CENPF: variants seen among roughly 807,000 people sequenced by gnomAD.
CENPF encodes the protein centromere protein F.
In CENPF, 214 loss-of-function variants were observed where a neutral mutation model predicts 307.3. The observed-to-expected ratio is 0.70, with a 90% CI of 0.62 to 0.78. The LOEUF (loss-of-function observed/expected upper bound fraction) is 0.78. Among genes scored for constraint, CENPF ranks in the 30% least tolerant of loss-of-function variants. CENPF has a pLI of 0.00. For synonymous variants in CENPF, 1,259 were observed against 1,270.6 expected (o/e 0.99, Z 0.19); for missense variants, 3,401 against 3,483.9 (o/e 0.98, Z 0.60).
intron 7 of CENPF, 110 bp downstream of exon 7, chr1:214,622,391 A>G (rs2102540147): frequency 1.1e-6 from 1 of 943,406 alleles, no homozygotes; most frequent in East Asian, 2.6e-5. Context: ...TTCTTTGTTA[A>G]TATATATTAG....
Position 214,659,858 on chromosome 1 carries a change from T to C in CENPF, c.9141+830T>C, listed in dbSNP as rs1658746530. ...CAGACTGGGGACTAGGGGGATATTT[T>C]TGGAAGTTGCTGGAATAGCTTCAAA... On this transcript the variant is annotated intron_variant, in intron 19 of 19. Transcript: ENST00000366955. The surrounding 1 kb of genome is among the most constrained non-coding windows in gnomAD (Gnocchi z 4.4). Among the ~76,000 whole-genome samples the C allele has an allele frequency of 1.3e-5, 2 of 152,184 alleles. No homozygotes were observed.
chr1:214,612,040 G>A (rs1247405796), intron 1 of CENPF, among the ~76,000 whole-genome samples: 1 of 152,066 alleles, frequency 6.6e-6, no homozygotes, highest in Non-Finnish European at 1.5e-5. Flanking sequence ...AGTGGAAGAG[G>A]GCCTCCTTGC....
chr1:214,605,739 A>G (rs1571689007), intron 1 of CENPF: 2 of 1,590,918 alleles, frequency 1.3e-6, no homozygotes, highest in African/African-American at 2.7e-5. Context: ...TACTGGCTGT[A>G]GAGCTCGATG....
At chr1:214,662,655 T>C (rs141129097) in intron 19 of CENPF, among the ~76,000 whole-genome samples, 1,658 of 152,348 alleles carry the variant, frequency 0.011, 14 homozygotes, top group Non-Finnish European at 0.015. Context: ...CCTTTCTCTT[T>C]GAAAGATCTT....
At chr1:214,627,481 C>T (rs745907784) in intron 7 of CENPF, among the ~76,000 whole-genome samples, 35 of 143,510 alleles carry the variant, frequency 2.4e-4, no homozygotes, top group Non-Finnish European at 4.3e-4. Context: ...TCAAGTGATT[C>T]TCCTGTCTCA....
At position 214,663,950 on chromosome 1, in the gene CENPF, T is replaced by G. The variant is rs554940224; in HGVS notation, c.*156T>G. On this transcript the variant is annotated 3_prime_UTR_variant, in exon 20 of 20. Coordinates refer to ENST00000366955, the MANE Select transcript of CENPF (RefSeq NM_016343.4). ...TATATTGTACTCTTTAGATCTCCCA[T>G]GTGTAGGTATTGAAAAAGTTTGGAA... is the stretch of plus-strand genomic sequence containing the variant. The G allele has an allele frequency of 6.4e-5, 40 of 627,710 alleles. No homozygotes were observed. In the East Asian group the frequency reaches 1.1e-3, roughly 17 times the overall value. 38.9% of individuals were successfully genotyped at this position (627,710 alleles called of 1,614,324 possible).
chr1:214,623,008 T>TCAAGAC lies in CENPF; in HGVS notation c.1068+730_1068+735dup, dbSNP rs1399722716. Among the ~76,000 whole-genome samples the TCAAGAC allele has an allele frequency of 5.3e-5, 8 of 152,096 alleles. No homozygotes were observed. The East Asian group carries it at 7.7e-4, about 15-fold the overall frequency. Reference sequence around the variant, plus strand: ...ACGCGGATCACTTGAGGCTAGGAGATCAAGACCAGCTAGCCCACATGACAA... The same window carrying TCAAGAC: ...ACGCGGATCACTTGAGGCTAGGAGATCAAGACCAAGACCAGCTAGCCCACATGACAA... On this transcript the variant is annotated intron_variant, in intron 7 of 19. Transcript: ENST00000366955.
At position 214,645,335 on chromosome 1, in the gene CENPF, A is replaced by G. The variant is rs200650945; in HGVS notation, c.5765A>G (p.Glu1922Gly). ...ASIEHEALYL[E>G]ADLEVVQTEK... The stretch of plus-strand genomic sequence containing the variant: ...ATTGAGCATGAAGCCCTCTACCTGG[A>G]GGCTGACTTAGAGGTAGTTCAAACA... The change falls in exon 13 of 20, where the codon GAG becomes GGG. Residue 1922 changes from glutamate (E) to glycine (G), a missense_variant. Transcript: ENST00000366955. 124 of 1,614,052 alleles carry G rather than the reference A, an allele frequency of 7.7e-5. No individual in the cohort carries two copies. Among genetic ancestry groups the G allele is most frequent in the Non-Finnish European group, 9.7e-5 (115 of 1,180,026 alleles).
In CENPF at chr1:214,620,736, T is replaced by C. The variant is rs941155980; in HGVS notation, c.655T>C (p.Trp219Arg). 2.5e-6 allele frequency: 4 copies of C among 1,614,080 alleles called. No homozygotes were observed. The highest frequency in any genetic ancestry group is 1.3e-5 in the African/African-American group (1 of 74,940). The change falls in exon 6 of 20, where the codon TGG (tryptophan) becomes CGG (arginine). Residue 219 changes from tryptophan to arginine, a missense_variant. Transcript: ENST00000366955. The stretch of plus-strand genomic sequence containing the variant: ...TCAGGCTTCATCATCTGTGTTCTCA[T>C]GGCAGCAAGAGAAGACCCCAAGTCA... Reference protein sequence around the residue: ...RHQASSSVFSWQQEKTPSHLS... With the variant: ...RHQASSSVFSRQQEKTPSHLS...
chr1:214,620,990 TA>T, intron 6 of CENPF, 44 bp downstream of exon 6: 1 of 1,530,824 alleles, frequency 6.5e-7, no homozygotes, highest in South Asian at 1.3e-5. Context: ...TTGCTTGAGG[TA>T]ATTTCACAGG....
intron 17 of CENPF, 111 bp from the exon 18 acceptor site, chr1:214,656,822 T>TAA (rs11307420): frequency 4.4e-5 from 30 of 675,324 alleles, no homozygotes; most frequent in African/African-American, 3.8e-4. Context: ...CCCAACCTCT[T>TAA]AAAAAAAAAA....
intron 3 of CENPF, among the ~76,000 whole-genome samples, chr1:214,617,634 T>C (rs1477951924): frequency 3.3e-5 from 5 of 152,220 alleles, no homozygotes; most frequent in Admixed American, 6.5e-5. Flanking sequence ...GCCATATCTT[T>C]TCTAGATGCA....
Position 214,647,156 on chromosome 1 carries a change from A to G in CENPF, c.7586A>G (p.Asn2529Ser). 1 of 1,614,086 alleles carries G rather than the reference A, an allele frequency of 6.2e-7. No homozygotes were observed. Among genetic ancestry groups the G allele is most frequent in the Non-Finnish European group, 8.5e-7 (1 of 1,179,972 alleles). ...KKDEEISRLKNQIQDQEQLVS... is the reference protein window; with the variant it reads ...KKDEEISRLKSQIQDQEQLVS... ...GATGAAGAAATCAGTAGACTGAAAA[A>G]TCAAATTCAAGACCAAGAGCAGCTT... The change falls in exon 13 of 20, where the codon AAT becomes AGT. Residue 2529 changes from asparagine (N) to serine (S), a missense_variant. Physicochemically the swap from Asn to Ser is conservative, Grantham distance 46. Transcript: ENST00000366955.
At chr1:214,630,959 A>G (rs542412845) in intron 9 of CENPF, among the ~76,000 whole-genome samples, 1 of 152,326 alleles carries the variant, frequency 6.6e-6, no homozygotes, top group East Asian at 1.9e-4. Context: ...GCCCCCAAGT[A>G]GTTAAAGCAC....
In CENPF at chr1:214,640,444, G is replaced by A. The variant is rs762674621; in HGVS notation, c.2106G>A (p.Glu702=). Residue 702 remains glutamate, a synonymous_variant, in exon 12 of 20, where the codon GAG becomes GAA. Transcript: ENST00000366955. The part of the protein sequence containing the change: ...EVETQKLAYM[E]LQQKAEFSDQ... ...AGACCCAGAAACTAGCTTATATGGA[G>A]CTACAGCAGAAAGCTGAGTTCTCAG... 1.2e-6 allele frequency: 2 copies of A among 1,614,038 alleles called. No homozygotes were observed. Among genetic ancestry groups the A allele is most frequent in the Non-Finnish European group, 1.7e-6 (2 of 1,179,996 alleles).
Position 214,645,906 on chromosome 1 carries a change from G to C in CENPF, c.6336G>C (p.Glu2112Asp), listed in dbSNP as rs1051535775. The change falls in exon 13 of 20, where the codon GAG becomes GAC. Residue 2112 changes from glutamate (E) to aspartate (D), a missense_variant. Transcript: ENST00000366955. ...EFALRLSSTQEEVHQLRRGIE... is the reference protein window; with the variant it reads ...EFALRLSSTQDEVHQLRRGIE... ...CATTGAGGCTGAGCTCAACACAGGA[G>C]GAAGTGCATCAGCTGAGAAGAGGCA... 2 of 1,614,010 alleles carry C rather than the reference G, an allele frequency of 1.2e-6. No homozygotes were observed. Among genetic ancestry groups the C allele is most frequent in the Non-Finnish European group, 1.7e-6 (2 of 1,180,030 alleles).
Position 214,646,154 on chromosome 1 carries a change from C to T in CENPF, c.6584C>T (p.Ala2195Val). The part of the protein sequence containing the change: ...ETLKTQIEEM[A>V]RSLKVFELDL... ...CTAAAAACACAAATAGAAGAGATGG[C>T]CAGAAGCCTGAAAGTTTTTGAATTA... The change falls in exon 13 of 20, where the codon GCC (alanine) becomes GTC (valine). Residue 2195 changes from alanine (A) to valine (V), a missense_variant. Transcript: ENST00000366955. 1 of 1,613,472 alleles carries T rather than the reference C, an allele frequency of 6.2e-7. No homozygotes were observed. The highest frequency in any genetic ancestry group is 8.5e-7 in the Non-Finnish European group (1 of 1,179,880).
chr1:214,640,241 T>A lies in CENPF; in HGVS notation c.1903T>A (p.Ser635Thr), dbSNP rs1658072578. The part of the protein sequence containing the change: ...ENEKLLTQME[S>T]EKENLQSKIN... Reference sequence around the variant, plus strand: ...CGAAAAACTTTTAACTCAGATGGAATCAGAAAAGGAAAACTTGCAGAGTAA... The same window carrying A: ...CGAAAAACTTTTAACTCAGATGGAAACAGAAAAGGAAAACTTGCAGAGTAA... The change falls in exon 12 of 20, where the codon TCA becomes ACA. Residue 635 changes from serine (S) to threonine (T), a missense_variant. Transcript: ENST00000366955. The A allele has an allele frequency of 3.7e-6, 6 of 1,612,408 alleles. No individual in the cohort carries two copies. In the East Asian group the frequency reaches 1.3e-4, roughly 36 times the overall value.
chr1:214,650,058 T>G (rs902910595), intron 14 of CENPF, among the ~76,000 whole-genome samples: 3 of 152,138 alleles, frequency 2.0e-5, no homozygotes, highest in African/African-American at 7.2e-5. Flanking sequence ...CAAATAAGAT[T>G]CTTTGCTGTG....
Sources: gnomAD v4.1 joint callset for allele counts (sites outside exome capture counted in the v4.1 genomes callset) on GRCh38, gnomAD v4.1.1 for gene constraint, Gnocchi (gnomAD v3.1) non-coding constraint, MANE v1.5 for transcripts, NCBI Gene and HGNC (gene_info 2026-07-23, HGNC 2026-07-21) for gene names.